Variants in CD6 observed in about 807,000 individuals in gnomAD.
CD6 encodes CD6 molecule, also known as T-cell differentiation antigen CD6.
Under a neutral mutation model 75.3 loss-of-function variants are expected in CD6, and 53 were observed. That is an observed-to-expected ratio of 0.70 (90% CI 0.56 to 0.88). The LOEUF (loss-of-function observed/expected upper bound fraction) is 0.88, where lower values mean the gene tolerates loss of function less well. Ranked by LOEUF, CD6 falls within the 40% of genes least tolerant of loss-of-function variation. The pLI, the probability that CD6 is intolerant of heterozygous loss-of-function variation, is 0.00. For missense variants in CD6, 770 were observed against 897.1 expected (o/e 0.86, Z 1.81); for synonymous variants, 359 against 381.5 (o/e 0.94, Z 0.69).
chr11:60,986,110 G>A (rs1352349651), intron 1 of CD6, among the ~76,000 whole-genome samples: 1 of 152,118 alleles, frequency 6.6e-6, no homozygotes, highest in Non-Finnish European at 1.5e-5. Flanking sequence ...CTCACCCTCG[G>A]TATCACTCCC....
chr11:60,989,953 A>T (rs117926981), intron 1 of CD6, among the ~76,000 whole-genome samples: 3,163 of 152,298 alleles, frequency 0.021, 51 homozygotes, highest in Non-Finnish European at 0.034. Context: ...GGGTGCATTG[A>T]TATGACTCGG....
intron 1 of CD6, among the ~76,000 whole-genome samples, chr11:60,994,344 G>A (rs1159282586): frequency 6.7e-6 from 1 of 149,756 alleles, no homozygotes. Flanking sequence ...AGGAGGCTGA[G>A]GCAGGAGAAT....
In CD6 at chr11:60,983,342, T is replaced by C. The variant is rs532478647; in HGVS notation, c.49+11428T>C. 3.3e-5 allele frequency among the ~76,000 whole-genome samples: 5 copies of C among 152,232 alleles called. No homozygotes were observed. The East Asian group carries it at 9.7e-4, about 29-fold the overall frequency. On this transcript the variant is annotated intron_variant, in intron 1 of 12. Transcript: ENST00000313421. ...CCTGACCTCAAGCGATCCTCCTGCC[T>C]CAGCTTCCCAAAGTGCTGGGATTAC... is the stretch of plus-strand genomic sequence containing the variant.
chr11:61,007,480 C>A lies in CD6; in HGVS notation c.119-80C>A, dbSNP rs183778810. On this transcript the variant is annotated intron_variant, in intron 2 of 12. Coordinates refer to ENST00000313421, the MANE Select transcript of CD6 (RefSeq NM_006725.5). This position sits in a 1 kb window ranked among gnomAD's most constrained non-coding sequence, Gnocchi z 4.2. ...CCAGGCAGGGCGTTGTCAAAGTTCA[C>A]GCACAGAGTCAGTGGCAGAGCCTGG... 3.5e-5 allele frequency: 40 copies of A among 1,129,416 alleles called. 1 individual carries two copies. In the South Asian group the frequency reaches 8.3e-4, roughly 23 times the overall value. 70.0% of individuals were successfully genotyped at this position (1,129,416 alleles called of 1,614,324 possible).
intron 11 of CD6, 126 bp downstream of exon 11, chr11:61,018,139 C>A: frequency 7.5e-7 from 1 of 1,336,638 alleles, no homozygotes; most frequent in Admixed American, 2.1e-5. Flanking sequence ...CGCTGTGTGC[C>A]CTTGGACACA....
chr11:61,016,301 TGCCTTCTGGGGATAGGAAGAG>T (rs1409853804), intron 9 of CD6, among the ~76,000 whole-genome samples: 2 of 152,228 alleles, frequency 1.3e-5, no homozygotes, highest in African/African-American at 4.8e-5. Context: ...CTCTTTTCAT[TGCCTTCTGGGGATAGGAAGAG>T]GAAAGATAAC....
intron 1 of CD6, 45 bp downstream of exon 1, chr11:60,971,959 C>G (rs559086262): frequency 1.3e-6 from 2 of 1,591,450 alleles, no homozygotes; most frequent in Non-Finnish European, 1.7e-6. Context: ...CTGGAGGAGC[C>G]GGGTCCGGCC....
intron 1 of CD6, among the ~76,000 whole-genome samples, chr11:61,001,406 T>C (rs1858582412): frequency 6.6e-6 from 1 of 152,128 alleles, no homozygotes; most frequent in Admixed American, 6.5e-5. Flanking sequence ...TTTCACCATA[T>C]TGGCCAGGCT....
At position 61,007,155 on chromosome 11, in the gene CD6, A is replaced by G. The variant is rs1311690162; in HGVS notation, c.119-405A>G. On this transcript the variant is annotated intron_variant, in intron 2 of 12. Coordinates refer to ENST00000313421, the MANE Select transcript of CD6 (RefSeq NM_006725.5). The surrounding 1 kb of genome is among the most constrained non-coding windows in gnomAD (Gnocchi z 4.2). ...TAGTCACTGTGACAGCCTCTAGGACAGTACCCTCAGAGGAGCAGAGGGGCC... is the reference window on the plus strand; with the variant it reads ...TAGTCACTGTGACAGCCTCTAGGACGGTACCCTCAGAGGAGCAGAGGGGCC... 6.6e-6 allele frequency among the ~76,000 whole-genome samples: 1 copy of G among 152,158 alleles called. No individual in the cohort carries two copies. The highest frequency in any genetic ancestry group is 1.5e-5 in the Non-Finnish European group (1 of 68,014).
At position 61,009,787 on chromosome 11, in the gene CD6, G is replaced by A. The variant is rs757128060; in HGVS notation, c.997G>A (p.Glu333Lys). The change falls in exon 5 of 13, where the codon GAG becomes AAG. Residue 333 changes from glutamate (E) to lysine (K), a missense_variant. Coordinates refer to ENST00000313421, the MANE Select transcript of CD6 (RefSeq NM_006725.5). The part of the protein sequence containing the change: ...SGRMYYSCNG[E>K]ELTLSNCSWR... ...CAGGATGTACTACTCATGCAATGGG[G>A]AGGAGCTCACCCTCTCCAACTGCTC... 1.2e-6 allele frequency: 2 copies of A among 1,612,420 alleles called. No individual in the cohort carries two copies. The highest frequency in any genetic ancestry group is 1.3e-5 in the African/African-American group (1 of 75,036).
intron 9 of CD6, 145 bp from the exon 10 acceptor site, chr11:61,017,334 G>C: frequency 1.6e-6 from 1 of 643,598 alleles, no homozygotes; most frequent in Non-Finnish European, 2.8e-6. Flanking sequence ...GAATTTGATG[G>C]GAAATGCTAA....
At chr11:60,993,908 T>C (rs1858166024) in intron 1 of CD6, among the ~76,000 whole-genome samples, 1 of 152,216 alleles carries the variant, frequency 6.6e-6, no homozygotes, top group African/African-American at 2.4e-5. Flanking sequence ...GCTCACGCCC[T>C]CTCACTTTCT....
intron 9 of CD6, 24 bp downstream of exon 9, chr11:61,015,859 A>C: frequency 6.2e-7 from 1 of 1,612,920 alleles, no homozygotes; most frequent in South Asian, 1.1e-5. Context: ...CGGGCTCCCG[A>C]GGGCCCACCT....
chr11:60,997,539 A>G (rs901693356), intron 1 of CD6, among the ~76,000 whole-genome samples: 5 of 152,030 alleles, frequency 3.3e-5, no homozygotes, highest in Admixed American at 3.3e-4. Flanking sequence ...ACACATCAAT[A>G]AAAAAATTCT....
intron 1 of CD6, among the ~76,000 whole-genome samples, chr11:61,003,387 C>CA (rs749757289): frequency 3.8e-4 from 58 of 151,864 alleles, no homozygotes; most frequent in Non-Finnish European, 7.1e-4. Flanking sequence ...TTTATTGCAG[C>CA]AAAAAAGTGA....
chr11:61,008,274 G>A (rs1341343892), intron 3 of CD6: 3 of 502,278 alleles, frequency 6.0e-6, no homozygotes, highest in South Asian at 3.8e-5. Flanking sequence ...AGGTTCACAG[G>A]GTCCCTAAGC....
At position 61,007,566 on chromosome 11, in the gene CD6, G is replaced by A. The variant is rs1858921058; in HGVS notation, c.125G>A (p.Arg42Gln). 1.3e-6 allele frequency: 2 copies of A among 1,496,860 alleles called. No individual in the cohort carries two copies. Among genetic ancestry groups the A allele is most frequent in the East Asian group, 2.9e-5 (1 of 34,712 alleles). The allele number at this position is 1,496,860 out of a possible 1,614,324, so 92.7% of individuals were successfully genotyped here. A position where few individuals can be genotyped will look rare whatever the true frequency, so the allele number is the denominator to read the frequency against. Residue 42 changes from arginine to glutamine, a missense_variant, in exon 3 of 13, where the codon CGG (arginine) becomes CAG (glutamine). Physicochemically the swap from Arg to Gln is conservative, Grantham distance 43. Coordinates refer to ENST00000313421, the MANE Select transcript of CD6 (RefSeq NM_006725.5). This position sits in a 1 kb window ranked among gnomAD's most constrained non-coding sequence, Gnocchi z 4.2. ...TCTGGTCTGACACTTCCAGGGGAGC[G>A]GCTTCCGGTCCGTCTGACAAACGGG... is the stretch of plus-strand genomic sequence containing the variant. ...AESELWEPGE[R>Q]LPVRLTNGSS...
At chr11:60,988,920 C>G (rs925735444) in intron 1 of CD6, among the ~76,000 whole-genome samples, 2 of 152,174 alleles carry the variant, frequency 1.3e-5, no homozygotes, top group Non-Finnish European at 2.9e-5. Flanking sequence ...CACTCCCCTC[C>G]TCACTCCCCT....
At chr11:61,017,303 CT>C in intron 9 of CD6, 175 bp from the exon 10 acceptor site, 1 of 615,012 alleles carries the variant, frequency 1.6e-6, no homozygotes, top group South Asian at 1.9e-5. Flanking sequence ...GAAGGCTCTG[CT>C]GGATTGGGAT....
Sources: allele counts gnomAD v4.1 joint callset (sites outside exome capture counted in the v4.1 genomes callset), GRCh38; gene constraint gnomAD v4.1.1; non-coding constraint Gnocchi (gnomAD v3.1); transcripts MANE v1.5; gene names NCBI Gene and HGNC (gene_info 2026-07-23, HGNC 2026-07-21).